NT5C3A: variants seen among roughly 807,000 people sequenced by gnomAD.
NT5C3A encodes cytosolic 5'-nucleotidase 3A.
A neutral mutation model predicts 40.0 loss-of-function variants in NT5C3A; 23 were observed. The observed-to-expected ratio is 0.58, with a 90% CI of 0.41 to 0.81. The LOEUF (loss-of-function observed/expected upper bound fraction) is 0.81, where lower values mean the gene tolerates loss of function less well. NT5C3A is among the 40% of genes least tolerant of loss of function. NT5C3A has a pLI of 0.00. For synonymous variants in NT5C3A, 130 were observed against 141.4 expected (o/e 0.92, Z 0.57); for missense variants, 328 against 403.0 (o/e 0.81, Z 1.59).
intron 1 of NT5C3A, among the ~76,000 whole-genome samples, chr7:33,059,810 T>A (rs1395870712): frequency 1.3e-5 from 2 of 152,242 alleles, no homozygotes; most frequent in Middle Eastern, 3.2e-3. Flanking sequence ...ATCCCTTATT[T>A]CCATACCTGT....
intron 1 of NT5C3A, among the ~76,000 whole-genome samples, chr7:33,041,395 T>C (rs754386082): frequency 1.3e-5 from 2 of 152,176 alleles, no homozygotes; most frequent in Non-Finnish European, 2.9e-5. Context: ...ACAGTGGTTA[T>C]GGTTGCACGG....
At chr7:33,057,754 G>T (rs542143809) in intron 1 of NT5C3A, among the ~76,000 whole-genome samples, 2 of 151,660 alleles carry the variant, frequency 1.3e-5, no homozygotes, top group African/African-American at 2.4e-5. Context: ...AATAGTTGAC[G>T]TTAACAACAA....
chr7:33,043,574 T>C (rs982886855), intron 1 of NT5C3A, among the ~76,000 whole-genome samples: 13 of 152,182 alleles, frequency 8.5e-5, no homozygotes, highest in African/African-American at 3.1e-4. Context: ...CAAAACACTT[T>C]ATGGCATGAA....
At chr7:33,060,732 A>G (rs1379976337) in intron 1 of NT5C3A, among the ~76,000 whole-genome samples, 2 of 152,058 alleles carry the variant, frequency 1.3e-5, no homozygotes, top group African/African-American at 4.8e-5. Context: ...CTGAGGGAGG[A>G]GGGCAGAGGA....
chr7:33,022,760 CT>C (rs1379345346), intron 3 of NT5C3A, among the ~76,000 whole-genome samples: 1 of 152,172 alleles, frequency 6.6e-6, no homozygotes, highest in East Asian at 1.9e-4. Context: ...CAGCATTAAA[CT>C]TTTTAGGTTG....
chr7:33,021,154 T>C (rs779876537), intron 5 of NT5C3A, 118 bp downstream of exon 5: 20 of 1,356,322 alleles, frequency 1.5e-5, no homozygotes, highest in Non-Finnish European at 1.9e-5. Flanking sequence ...ATGCTCTAAC[T>C]TGCATAATTT....
At chr7:33,026,140 G>A (rs1325760771) in intron 2 of NT5C3A, among the ~76,000 whole-genome samples, 1 of 151,948 alleles carries the variant, frequency 6.6e-6, no homozygotes, top group Non-Finnish European at 1.5e-5. Context: ...AGCTGAGATC[G>A]TGCCACTGCA....
In NT5C3A at chr7:33,014,708, G is replaced by A; in HGVS notation, c.*22C>T. 6.2e-7 allele frequency: 1 copy of A among 1,610,064 alleles called. No individual in the cohort carries two copies. The highest frequency in any genetic ancestry group is 8.5e-7 in the Non-Finnish European group (1 of 1,178,624). ...AGTTCAATTGCACCCACAGGAGAGA[G>A]GTCTTCTTGGAGAATGCTTGTTTAT... On this transcript the variant is annotated 3_prime_UTR_variant, in exon 9 of 9. Coordinates refer to ENST00000610140, the MANE Select transcript of NT5C3A (RefSeq NM_001002010.5).
chr7:33,022,024 A>C, intron 4 of NT5C3A, 29 bp downstream of exon 4: 6 of 1,323,962 alleles, frequency 4.5e-6, no homozygotes, highest in Non-Finnish European at 6.5e-6. Flanking sequence ...GAAGTCTTTG[A>C]GTGACTATAG....
intron 1 of NT5C3A, among the ~76,000 whole-genome samples, chr7:33,031,074 TG>T (rs1786225755): frequency 7.6e-6 from 1 of 131,556 alleles, no homozygotes; most frequent in African/African-American, 3.0e-5. Context: ...CACTCCAGCC[TG>T]GGCGACAGCG....
intron 7 of NT5C3A, chr7:33,017,204 GA>G (rs1261661287): frequency 4.5e-6 from 2 of 445,156 alleles, no homozygotes; most frequent in East Asian, 7.4e-5. Flanking sequence ...AAAAAAAGAA[GA>G]AGTTTTACTA....
intron 2 of NT5C3A, among the ~76,000 whole-genome samples, chr7:33,024,751 T>C (rs541435474): frequency 3.8e-4 from 58 of 152,340 alleles, no homozygotes; most frequent in African/African-American, 1.4e-3. Context: ...GATATCCTAA[T>C]TACCCTGATT....
intron 1 of NT5C3A, among the ~76,000 whole-genome samples, chr7:33,050,651 T>C (rs1787328020): frequency 6.6e-6 from 1 of 152,206 alleles, no homozygotes. Flanking sequence ...AGAAGGAACT[T>C]GGCAAACAAA....
intron 1 of NT5C3A, among the ~76,000 whole-genome samples, chr7:33,047,751 C>T (rs1323459899): frequency 6.6e-6 from 1 of 152,074 alleles, no homozygotes; most frequent in Non-Finnish European, 1.5e-5. Flanking sequence ...ATTTCTTTTG[C>T]TCATCTAGAT....
intron 1 of NT5C3A, among the ~76,000 whole-genome samples, chr7:33,061,157 C>T (rs1412420814): frequency 6.6e-6 from 1 of 152,072 alleles, no homozygotes; most frequent in Non-Finnish European, 1.5e-5. Flanking sequence ...TATGGCAACT[C>T]GGTTTTTTCC....
intron 1 of NT5C3A, among the ~76,000 whole-genome samples, chr7:33,042,759 G>A (rs1786981466): frequency 6.6e-6 from 1 of 152,082 alleles, no homozygotes; most frequent in Non-Finnish European, 1.5e-5. Flanking sequence ...TCAATTTTGT[G>A]TCTAGAAATT....
intron 3 of NT5C3A, 174 bp downstream of exon 3, chr7:33,023,865 T>C: frequency 1.7e-6 from 1 of 596,598 alleles, no homozygotes; most frequent in East Asian, 2.8e-5. Context: ...AAAATAACCA[T>C]TTATATAATA....
chr7:33,038,848 C>A (rs147807424), intron 1 of NT5C3A: 242 of 456,534 alleles, frequency 5.3e-4, no homozygotes, highest in African/African-American at 4.4e-3. Flanking sequence ...GCAGATGCTT[C>A]AAGAGAAGAG....
intron 1 of NT5C3A, among the ~76,000 whole-genome samples, chr7:33,040,150 T>G (rs1424177448): frequency 6.6e-6 from 1 of 152,172 alleles, no homozygotes; most frequent in Non-Finnish European, 1.5e-5. Flanking sequence ...CGGGCTTGGA[T>G]GCAGGCTGCC....
Sources: allele counts gnomAD v4.1 joint callset (sites outside exome capture counted in the v4.1 genomes callset), GRCh38; gene constraint gnomAD v4.1.1; transcripts MANE v1.5; gene names NCBI Gene and HGNC (gene_info 2026-07-23, HGNC 2026-07-21).